UBE3A: variants seen among roughly 807,000 people sequenced by gnomAD.
UBE3A encodes ubiquitin protein ligase E3A.
Under a neutral mutation model 83.4 loss-of-function variants are expected in UBE3A, and 6 were observed. The ratio of observed to expected loss-of-function variants is 0.07; its 90% CI spans 0.04 to 0.14. The LOEUF (loss-of-function observed/expected upper bound fraction) is 0.14, where lower values mean the gene tolerates loss of function less well. UBE3A is among the 10% of genes least tolerant of loss of function. The pLI is 1.00. For synonymous variants in UBE3A, 337 were observed against 355.4 expected (o/e 0.95, Z 0.58); for missense variants, 456 against 1,036.1 (o/e 0.44, Z 7.69).
At chr15:25,407,545 G>A in intron 3 of UBE3A, 1 of 152,672 alleles carries the variant, frequency 6.5e-6, no homozygotes, top group Non-Finnish European at 1.5e-5. Flanking sequence ...CTAAGCAAGA[G>A]AATATGTGAA....
intron 4 of UBE3A, among the ~76,000 whole-genome samples, chr15:25,383,615 G>T (rs1595940895): frequency 6.6e-6 from 1 of 151,992 alleles, no homozygotes. Flanking sequence ...CTCCAGCCTG[G>T]GTGACAAGAG....
chr15:25,434,988 AC>A (rs1894603389), intron 1 of UBE3A, among the ~76,000 whole-genome samples: 1 of 150,414 alleles, frequency 6.6e-6, no homozygotes, highest in Non-Finnish European at 1.5e-5. Context: ...ACACACACAC[AC>A]ACACACACAC....
intron 8 of UBE3A, 85 bp downstream of exon 8, chr15:25,356,606 A>C (rs2077247331): frequency 7.3e-7 from 1 of 1,376,490 alleles, no homozygotes; most frequent in Non-Finnish European, 1.0e-6. Flanking sequence ...TTCTAAACAA[A>C]AACTTTAAAA....
intron 6 of UBE3A, among the ~76,000 whole-genome samples, chr15:25,364,036 T>TAATAAATAAATAAATAAATAAATAAATA (rs370238150): frequency 2.2e-5 from 3 of 137,598 alleles, no homozygotes; most frequent in Admixed American, 7.4e-5. Context: ...TACAAAAAAC[T>TAATAAATAAATAAATAAATAAATAAATA]AATAAATAAA....
chr15:25,366,486 T>C (rs1335559343), intron 6 of UBE3A, among the ~76,000 whole-genome samples: 3 of 152,150 alleles, frequency 2.0e-5, no homozygotes, highest in African/African-American at 4.8e-5. Context: ...CTCCTGGTAG[T>C]GGGGCTTTTT....
At chr15:25,377,502 C>T (rs1055951472) in intron 4 of UBE3A, among the ~76,000 whole-genome samples, 2 of 151,968 alleles carry the variant, frequency 1.3e-5, no homozygotes, top group Non-Finnish European at 2.9e-5. Flanking sequence ...AAAGTGAAAA[C>T]ATGTAAAAAT....
intron 11 of UBE3A, among the ~76,000 whole-genome samples, chr15:25,348,338 A>T (rs1486347081): frequency 3.3e-5 from 5 of 152,178 alleles, no homozygotes; most frequent in Admixed American, 3.3e-4. Flanking sequence ...TCAACAGTAA[A>T]AAACCAAATG....
chr15:25,367,358 A>G (rs924109677), intron 6 of UBE3A, among the ~76,000 whole-genome samples: 8 of 151,404 alleles, frequency 5.3e-5, no homozygotes, highest in African/African-American at 1.7e-4. Flanking sequence ...ATGGTTTTAC[A>G]TATTTGTAAA....
chr15:25,398,771 T>TATATATATATATATA (rs2086218460), intron 4 of UBE3A, among the ~76,000 whole-genome samples: 2 of 68,962 alleles, frequency 2.9e-5, no homozygotes, highest in African/African-American at 8.9e-5. Flanking sequence ...ATTCTTTTAT[T>TATATATATATATATA]TATATATATA....
chr15:25,406,979 G>A lies in UBE3A; in HGVS notation c.21-1477C>T, dbSNP rs896968287. ...CAACTAAAAACTGGGGCATGCTGGA[G>A]GTGGCAGTGACTTGGCTGTGACACA... is the stretch of plus-strand genomic sequence containing the variant. On this transcript the variant is annotated intron_variant, in intron 3 of 12. Coordinates refer to ENST00000648336, the MANE Select transcript of UBE3A (RefSeq NM_130839.5). The A allele has an allele frequency of 1.1e-5, 9 of 818,062 alleles. No individual in the cohort carries two copies. In the African/African-American group the frequency reaches 1.3e-4, roughly 12 times the overall value. 50.7% of individuals were successfully genotyped at this position (818,062 alleles called of 1,614,324 possible).
intron 4 of UBE3A, among the ~76,000 whole-genome samples, chr15:25,388,635 C>T (rs922112991): frequency 3.3e-5 from 5 of 151,550 alleles, no homozygotes; most frequent in African/African-American, 4.9e-5. Flanking sequence ...GGTATACTAA[C>T]GGGGAACAAA....
In UBE3A at chr15:25,335,553, G is replaced by C. The variant is rs925612414; in HGVS notation, c.*3584C>G. ...TAAAGAAGGAAGGAATGATGGGAGAGGTTTAGGGGGAAAGAAGTGACAACC... is the reference window on the plus strand; with the variant it reads ...TAAAGAAGGAAGGAATGATGGGAGACGTTTAGGGGGAAAGAAGTGACAACC... On this transcript the variant is annotated 3_prime_UTR_variant, in exon 13 of 13. Transcript: ENST00000648336. 6.6e-6 allele frequency: 1 copy of C among 151,898 alleles called. No individual in the cohort carries two copies. 9.4% of individuals were successfully genotyped at this position (151,898 alleles called of 1,614,324 possible).
intron 1 of UBE3A, among the ~76,000 whole-genome samples, chr15:25,430,284 TATAATATATATAATACATATATATAA>T (rs1315466607): frequency 5.2e-4 from 5 of 9,674 alleles, no homozygotes; most frequent in African/African-American, 9.8e-4. Flanking sequence ...AGATTATATA[TATAATATATATAATACATATATATAA>T]GATTATATAT....
intron 11 of UBE3A, chr15:25,346,482 C>T (rs1185773203): frequency 2.0e-5 from 3 of 152,004 alleles, no homozygotes; most frequent in Non-Finnish European, 4.4e-5. Context: ...GTCCGAGACA[C>T]AATCCAAAAA....
At chr15:25,437,338 G>C (rs956507868) in intron 1 of UBE3A, among the ~76,000 whole-genome samples, 2 of 152,146 alleles carry the variant, frequency 1.3e-5, no homozygotes, top group Admixed American at 1.3e-4. Flanking sequence ...TCAGAAGTGT[G>C]AGACAAACAC....
chr15:25,428,127 T>C (rs548372518), intron 1 of UBE3A, among the ~76,000 whole-genome samples: 2 of 152,246 alleles, frequency 1.3e-5, no homozygotes, highest in East Asian at 1.9e-4. Context: ...GTATTTATTA[T>C]TGCTGAACTG....
At chr15:25,380,413 C>A (rs766957015) in intron 4 of UBE3A, among the ~76,000 whole-genome samples, 1 of 152,070 alleles carries the variant, frequency 6.6e-6, no homozygotes, top group African/African-American at 2.4e-5. Flanking sequence ...TGTTTGCCAA[C>A]CCTTAGTTTA....
At chr15:25,368,833 G>T (rs1275640000) in intron 6 of UBE3A, among the ~76,000 whole-genome samples, 1 of 152,016 alleles carries the variant, frequency 6.6e-6, no homozygotes, top group African/African-American at 2.4e-5. Context: ...GAAAAAAATG[G>T]GGGACTGAGG....
intron 11 of UBE3A, among the ~76,000 whole-genome samples, chr15:25,341,563 A>C (rs2074802404): frequency 1.3e-5 from 2 of 151,634 alleles, no homozygotes; most frequent in African/African-American, 4.8e-5. Context: ...CAGGGGTTCA[A>C]GATCAGCCTG....
Sources: allele counts gnomAD v4.1 joint callset (sites outside exome capture counted in the v4.1 genomes callset), GRCh38; gene constraint gnomAD v4.1.1; transcripts MANE v1.5; gene names NCBI Gene and HGNC (gene_info 2026-07-23, HGNC 2026-07-21).